Variants in SLC5A8 observed in about 807,000 individuals in gnomAD.
SLC5A8 encodes solute carrier family 5 member 8.
In SLC5A8, 55 loss-of-function variants were observed where a neutral mutation model predicts 71.9. The observed-to-expected ratio is 0.77, with a 90% CI of 0.62 to 0.96. The LOEUF (loss-of-function observed/expected upper bound fraction) is 0.96. SLC5A8 is among the 40% of genes least tolerant of loss of function. The pLI is 0.00. For synonymous variants in SLC5A8, 307 were observed against 276.1 expected, an observed-to-expected ratio of 1.11 and a Z score of -1.11; for missense variants, 701 against 745.3, an observed-to-expected ratio of 0.94 and a Z score of 0.69.
At chr12:101,169,759 G>A (rs556830273) in intron 10 of SLC5A8, among the ~76,000 whole-genome samples, 34 of 152,308 alleles carry the variant, frequency 2.2e-4, no homozygotes, top group African/African-American at 8.2e-4. Flanking sequence ...TCAAGCTAAA[G>A]TTGTTAATGT....
At chr12:101,187,656 T>A (rs1868716341) in intron 6 of SLC5A8, 141 bp from the exon 7 acceptor site, 1 of 915,486 alleles carries the variant, frequency 1.1e-6, no homozygotes, top group Non-Finnish European at 1.6e-6. Flanking sequence ...AAAACTCTAC[T>A]TATTTTATTC....
chr12:101,181,912 C>G (rs1405671526), intron 9 of SLC5A8, among the ~76,000 whole-genome samples: 1 of 152,120 alleles, frequency 6.6e-6, no homozygotes, highest in African/African-American at 2.4e-5. Flanking sequence ...AGAATTATGG[C>G]TACTAATGGG....
rs931043333 is a variant in SLC5A8, at chr12:101,157,101, T to A, written c.*178A>T. The stretch of plus-strand genomic sequence containing the variant: ...AATGCCAGAATTCTAAACTCCAGAG[T>A]AACATCAATTAATGATGTAGTAAAT... On this transcript the variant is annotated 3_prime_UTR_variant, in exon 15 of 15. Coordinates refer to ENST00000536262, the MANE Select transcript of SLC5A8 (RefSeq NM_145913.5). The A allele has an allele frequency of 5.1e-6, 3 of 589,828 alleles. No homozygotes were observed. Among genetic ancestry groups the A allele is most frequent in the African/African-American group, 3.7e-5 (2 of 53,936 alleles). The allele number at this position is 589,828 out of a possible 1,614,324, so 36.5% of individuals were successfully genotyped here.
At chr12:101,189,223 A>G (rs1179068657) in intron 6 of SLC5A8, among the ~76,000 whole-genome samples, 2 of 152,200 alleles carry the variant, frequency 1.3e-5, no homozygotes, top group Non-Finnish European at 2.9e-5. Context: ...ATTTAAAAGT[A>G]CAATAGACTA....
At chr12:101,184,959 A>G (rs1372099433) in intron 7 of SLC5A8, among the ~76,000 whole-genome samples, 1 of 152,252 alleles carries the variant, frequency 6.6e-6, no homozygotes, top group Non-Finnish European at 1.5e-5. Context: ...GAATCAAAAG[A>G]GTCCTAAGTG....
chr12:101,193,916 GT>G (rs1352906486), intron 4 of SLC5A8, 137 bp from the exon 5 acceptor site: 16 of 841,936 alleles, frequency 1.9e-5, no homozygotes, highest in Non-Finnish European at 2.0e-5. Flanking sequence ...AAACAGTCAG[GT>G]TGGGAGAATC....
chr12:101,172,760 A>T (rs1358983292), intron 10 of SLC5A8, among the ~76,000 whole-genome samples: 1 of 152,206 alleles, frequency 6.6e-6, no homozygotes. Flanking sequence ...GCTATTCTTC[A>T]GCATTTTCCA....
At position 101,202,822 on chromosome 12, in the gene SLC5A8, C is replaced by T. The variant is rs143327083; in HGVS notation, c.418-607G>A. On this transcript the variant is annotated intron_variant, in intron 2 of 14. Transcript: ENST00000536262. Reference sequence around the variant, plus strand: ...GGTACAGTAGTGAGTAAGATAAATACGGTCTTTTTCTCAAAATGTAATTTT... The same window carrying T: ...GGTACAGTAGTGAGTAAGATAAATATGGTCTTTTTCTCAAAATGTAATTTT... 1.2e-4 allele frequency among the ~76,000 whole-genome samples: 18 copies of T among 152,130 alleles called. No homozygotes were observed. In the South Asian group the frequency reaches 1.7e-3, roughly 14 times the overall value.
At chr12:101,169,232 C>CA (rs2051804095) in intron 10 of SLC5A8, among the ~76,000 whole-genome samples, 1 of 151,870 alleles carries the variant, frequency 6.6e-6, no homozygotes, top group Non-Finnish European at 1.5e-5. Flanking sequence ...CAAAGACACC[C>CA]AAAAAAGATT....
intron 5 of SLC5A8, among the ~76,000 whole-genome samples, chr12:101,192,972 T>TC (rs1868983565): frequency 2.0e-4 from 8 of 39,392 alleles, no homozygotes; most frequent in South Asian, 1.4e-3. Context: ...ACCTTTTCTC[T>TC]TTTTTTTTTT....
At chr12:101,172,602 G>A (rs1295491971) in intron 10 of SLC5A8, among the ~76,000 whole-genome samples, 2 of 152,158 alleles carry the variant, frequency 1.3e-5, no homozygotes, top group Non-Finnish European at 2.9e-5. Context: ...TGGCTGCAAG[G>A]TCCTGTGTGG....
At position 101,209,915 on chromosome 12, in the gene SLC5A8, G is replaced by T; in HGVS notation, c.-67C>A. On this transcript the variant is annotated 5_prime_UTR_variant, in exon 1 of 15. Transcript: ENST00000536262. ...CCGCGGCGCGCAGCCGGAGCCCGGC[G>T]CGCACTTCTTATCCCGGATCCCTGG... 1 of 1,380,908 alleles carries T rather than the reference G, an allele frequency of 7.2e-7. No individual in the cohort carries two copies. Among genetic ancestry groups the T allele is most frequent in the Non-Finnish European group, 9.6e-7 (1 of 1,044,946 alleles). The allele number at this position is 1,380,908 out of a possible 1,614,324, so 85.5% of individuals were successfully genotyped here.
chr12:101,157,942 T>G (rs1593357677), intron 14 of SLC5A8, among the ~76,000 whole-genome samples: 3 of 151,926 alleles, frequency 2.0e-5, no homozygotes, highest in South Asian at 2.1e-4. Context: ...ATATAGGTTA[T>G]CAGAGGATAG....
rs1271570978 is a variant in SLC5A8 at position 101,182,855 on chromosome 12, A to G, written c.1113T>C (p.Pro371=). The G allele has an allele frequency of 6.3e-7, 1 of 1,595,276 alleles. No homozygotes were observed. Among genetic ancestry groups the G allele is most frequent in the Admixed American group, 1.8e-5 (1 of 56,140 alleles). ...AAVTVEDLIK[P]YFRSLSERSL... ...ACCTTTCTGAGAGCGATCTGAAGTA[A>G]GGTTTGATTAGATCTTCCACAGTTA... Residue 371 remains proline (P), a synonymous_variant, in exon 9 of 15, where the codon CCT becomes CCC. Transcript: ENST00000536262.
intron 13 of SLC5A8, among the ~76,000 whole-genome samples, chr12:101,158,574 CTCTCTCTCTCTCTCTCTCTCTCTCTA>C (rs1231404516): frequency 8.3e-5 from 4 of 48,148 alleles, no homozygotes; most frequent in African/African-American, 1.7e-4. Context: ...CTCTCTCTCT[CTCTCTCTCTCTCTCTCTCTCTCTCTA>C]TATATATATA....
intron 1 of SLC5A8, 80 bp downstream of exon 1, chr12:101,209,418 C>T: frequency 9.3e-7 from 1 of 1,077,968 alleles, no homozygotes; most frequent in Non-Finnish European, 1.3e-6. Context: ...GACAGTCTGC[C>T]CCCAAGAAAA....
intron 13 of SLC5A8, among the ~76,000 whole-genome samples, chr12:101,158,596 CTCTATATATA>C (rs1190966891): frequency 6.4e-3 from 113 of 17,674 alleles, no homozygotes; most frequent in African/African-American, 9.3e-3. Flanking sequence ...CTCTCTCTCT[CTCTATATATA>C]TATATATATA....
rs77921050 is a variant in SLC5A8 at position 101,174,078 on chromosome 12, C to T, written c.1234-5896G>A. Among the ~76,000 whole-genome samples the T allele has an allele frequency of 1.9e-3, 291 of 152,294 alleles. 2 individuals are homozygous for T. Among genetic ancestry groups the T allele is most frequent in the Middle Eastern group, 0.01 (3 of 294 alleles). ...GGCCACAAAGTAAAATAAAAACTACCAGACACACTACGGAGTGTTCCGGAG... is the reference window on the plus strand; with the variant it reads ...GGCCACAAAGTAAAATAAAAACTACTAGACACACTACGGAGTGTTCCGGAG... On this transcript the variant is annotated intron_variant, in intron 10 of 14. Transcript: ENST00000536262.
At chr12:101,160,505 A>G (rs752740668) in intron 13 of SLC5A8, among the ~76,000 whole-genome samples, 1 of 152,178 alleles carries the variant, frequency 6.6e-6, no homozygotes, top group African/African-American at 2.4e-5. Context: ...CTTGAACACA[A>G]CTAGTTGTAA....
Sources: gnomAD v4.1 joint callset for allele counts (sites outside exome capture counted in the v4.1 genomes callset) on GRCh38, gnomAD v4.1.1 for gene constraint, MANE v1.5 for transcripts, NCBI Gene and HGNC (gene_info 2026-07-23, HGNC 2026-07-21) for gene names.